The following AGL variants were observed in gnomAD, a reference collection of about 807,000 sequenced individuals.
AGL encodes amylo-alpha-1,6-glucosidase and 4-alpha-glucanotransferase.
A neutral mutation model predicts 199.3 loss-of-function variants in AGL; 128 were observed. That is an observed-to-expected ratio of 0.64 (90% CI 0.56 to 0.74). AGL has a LOEUF of 0.74. Ranked by LOEUF, AGL falls within the 30% of genes least tolerant of loss-of-function variation. The pLI is 0.00. For synonymous variants in AGL, 584 were observed against 594.7 expected (o/e 0.98, Z 0.26); for missense variants, 1,809 against 1,820.8 (o/e 0.99, Z 0.12).
intron 2 of AGL, 75 bp from the exon 3 acceptor site, chr1:99,861,428 T>C (rs950722627): frequency 6.3e-7 from 1 of 1,599,236 alleles, no homozygotes; most frequent in Non-Finnish European, 8.5e-7. Context: ...TTTAATACTT[T>C]AAATAAAACA....
chr1:99,870,408 A>G lies in AGL; in HGVS notation c.673A>G (p.Ser225Gly). Reference sequence around the variant, plus strand: ...TCTCCTTTTTCCTTCAGCTGCTAATAGTAAATGGATCCAGGAACATCCAGA... The same window carrying G: ...TCTCCTTTTTCCTTCAGCTGCTAATGGTAAATGGATCCAGGAACATCCAGA... ...DVVYNHTAAN[S>G]KWIQEHPECA... Residue 225 changes from serine (S) to glycine (G), a missense_variant, in exon 6 of 34, where the codon AGT becomes GGT. Transcript: ENST00000361915. 1.2e-6 allele frequency: 2 copies of G among 1,613,960 alleles called. No individual in the cohort carries two copies. The highest frequency in any genetic ancestry group is 1.7e-6 in the Non-Finnish European group (2 of 1,179,886).
intron 2 of AGL, among the ~76,000 whole-genome samples, chr1:99,856,313 TC>T (rs1649422280): frequency 6.4e-5 from 1 of 15,600 alleles, no homozygotes. Flanking sequence ...CCTTCCTCCC[TC>T]CCTCCCTTCC....
intron 20 of AGL, 116 bp downstream of exon 20, chr1:99,884,819 G>C: frequency 7.8e-7 from 1 of 1,277,614 alleles, no homozygotes; most frequent in Non-Finnish European, 1.1e-6. Context: ...ACGGTCCAAG[G>C]ACCAGCAGTG....
rs1553186376 is a variant in AGL, at chr1:99,880,788, C to T, written c.1892C>T (p.Pro631Leu). 3 of 1,613,926 alleles carry T rather than the reference C, an allele frequency of 1.9e-6. No homozygotes were observed. Among genetic ancestry groups the T allele is most frequent in the Non-Finnish European group, 8.5e-7 (1 of 1,179,888 alleles). The change falls in exon 14 of 34, where the codon CCT (proline) becomes CTT (leucine). Residue 631 changes from proline (P) to leucine (L), a missense_variant. Transcript: ENST00000361915. ...GATATTACGCATGATAATGAGTGTC[C>T]TATTGTGGTAAGCACCTAATCTTTT... Reference protein sequence around the residue: ...FMDITHDNECPIVHRSAYDAL... With the variant: ...FMDITHDNECLIVHRSAYDAL...
At chr1:99,897,066 C>T (rs1186461092) in intron 25 of AGL, among the ~76,000 whole-genome samples, 2 of 152,176 alleles carry the variant, frequency 1.3e-5, no homozygotes, top group South Asian at 2.1e-4. Flanking sequence ...TTGCCTGCCT[C>T]GGCCTCCCGA....
intron 24 of AGL, among the ~76,000 whole-genome samples, chr1:99,893,902 A>G (rs938450518): frequency 3.9e-5 from 6 of 152,124 alleles, no homozygotes; most frequent in African/African-American, 1.4e-4. Flanking sequence ...AACAACAGCA[A>G]TTAAAAACAA....
intron 24 of AGL, among the ~76,000 whole-genome samples, chr1:99,894,202 T>A (rs926559316): frequency 5.3e-5 from 8 of 151,138 alleles, no homozygotes; most frequent in Non-Finnish European, 1.0e-4. Flanking sequence ...AAAAAAAAAA[T>A]TTGTAGCCTG....
At chr1:99,878,372 A>G (rs935240311) in intron 12 of AGL, among the ~76,000 whole-genome samples, 2 of 151,986 alleles carry the variant, frequency 1.3e-5, no homozygotes, top group Non-Finnish European at 2.9e-5. Flanking sequence ...TAAATTAAAT[A>G]AAAAATAAAC....
At chr1:99,869,905 C>T (rs1557753700) in intron 5 of AGL, among the ~76,000 whole-genome samples, 1 of 152,154 alleles carries the variant, frequency 6.6e-6, no homozygotes, top group South Asian at 2.1e-4. Context: ...ATCCAACCTC[C>T]ACTCCCACAA....
At chr1:99,860,610 T>C (rs1297738871) in intron 2 of AGL, among the ~76,000 whole-genome samples, 2 of 152,212 alleles carry the variant, frequency 1.3e-5, no homozygotes, top group African/African-American at 2.4e-5. Flanking sequence ...GTCTAAGGTA[T>C]GTTTTTTTAA....
At chr1:99,917,403 G>A (rs1486476757) in intron 33 of AGL, among the ~76,000 whole-genome samples, 1 of 152,034 alleles carries the variant, frequency 6.6e-6, no homozygotes, top group Non-Finnish European at 1.5e-5. Flanking sequence ...GTTTTGTTTG[G>A]TTGTCACCAT....
intron 33 of AGL, among the ~76,000 whole-genome samples, chr1:99,919,272 C>G (rs536853401): frequency 6.6e-6 from 1 of 152,322 alleles, no homozygotes. Flanking sequence ...CTTCAAGGAT[C>G]GCTATTTGTT....
At chr1:99,889,801 T>G (rs1185873928) in intron 21 of AGL, among the ~76,000 whole-genome samples, 1 of 152,174 alleles carries the variant, frequency 6.6e-6, no homozygotes, top group African/African-American at 2.4e-5. Context: ...ATGATTCTTC[T>G]TATCTTTTCT....
rs201198237 is a variant in AGL, at chr1:99,900,727, G to A, written c.3454G>A (p.Asp1152Asn). ...AATTTATGCCAGATACAATTGTCGG[G>A]ATGCTGTGTGGTGGTGGCTGCAGTG... is the stretch of plus-strand genomic sequence containing the variant. Reference protein sequence around the residue: ...EGIYARYNCRDAVWWWLQCIQ... With the variant: ...EGIYARYNCRNAVWWWLQCIQ... The change falls in exon 26 of 34, where the codon GAT becomes AAT. Residue 1152 changes from aspartate (D) to asparagine (N), a missense_variant. By Grantham distance (23) the Asp-to-Asn change is conservative (BLOSUM62 1). Transcript: ENST00000361915. The A allele has an allele frequency of 6.8e-6, 11 of 1,614,144 alleles. No individual in the cohort carries two copies. Among genetic ancestry groups the A allele is most frequent in the East Asian group, 6.7e-5 (3 of 44,874 alleles).
intron 17 of AGL, among the ~76,000 whole-genome samples, chr1:99,882,226 T>A (rs1056292274): frequency 9.2e-5 from 14 of 152,188 alleles, no homozygotes; most frequent in African/African-American, 3.4e-4. Context: ...TTTCAAATGT[T>A]AACATTTTTT....
chr1:99,909,336 C>T (rs1385750311), intron 27 of AGL, among the ~76,000 whole-genome samples: 1 of 152,244 alleles, frequency 6.6e-6, no homozygotes, highest in East Asian at 1.9e-4. Context: ...AGATTCCCCT[C>T]GTGGTGCCCG....
chr1:99,923,742 A>G lies in AGL; in HGVS notation c.*2091A>G, dbSNP rs902406491. 6.6e-6 allele frequency: 1 copy of G among 152,194 alleles called. No homozygotes were observed. Among genetic ancestry groups the G allele is most frequent in the African/African-American group, 2.4e-5 (1 of 41,452 alleles). The allele number at this position is 152,194 out of a possible 1,614,324, so 9.4% of individuals were successfully genotyped here. On this transcript the variant is annotated 3_prime_UTR_variant, in exon 34 of 34. Coordinates refer to ENST00000361915, the MANE Select transcript of AGL (RefSeq NM_000642.3). ...GCTTCATACTTGAGTGATGCTGGAT[A>G]AGGTATTGTATTTCAACAATGGACT...
chr1:99,877,385 T>C (rs1233646725), intron 11 of AGL, among the ~76,000 whole-genome samples: 1 of 152,210 alleles, frequency 6.6e-6, no homozygotes, highest in Non-Finnish European at 1.5e-5. Flanking sequence ...TTTTCCCTTA[T>C]GATGCGACTT....
intron 4 of AGL, among the ~76,000 whole-genome samples, chr1:99,863,704 C>T (rs1470305819): frequency 6.6e-6 from 1 of 151,514 alleles, no homozygotes; most frequent in Non-Finnish European, 1.5e-5. Context: ...CTGCCTCAGC[C>T]TCCCAAAGTG....
Sources: gnomAD v4.1 joint callset for allele counts (sites outside exome capture counted in the v4.1 genomes callset) on GRCh38, gnomAD v4.1.1 for gene constraint, MANE v1.5 for transcripts, NCBI Gene and HGNC (gene_info 2026-07-23, HGNC 2026-07-21) for gene names.